The following SETD2 variants were observed in gnomAD, a reference collection of about 807,000 sequenced individuals.
SETD2 encodes the protein SET domain containing 2, histone lysine methyltransferase, also known as histone-lysine N-methyltransferase SETD2.
A neutral mutation model predicts 242.1 loss-of-function variants in SETD2; 31 were observed. The ratio of observed to expected loss-of-function variants is 0.13; its 90% CI spans 0.10 to 0.17. The LOEUF (loss-of-function observed/expected upper bound fraction) is 0.17, where lower values mean the gene tolerates loss of function less well. Among genes scored for constraint, SETD2 ranks in the 10% least tolerant of loss-of-function variants. SETD2 has a pLI of 1.00. For synonymous variants in SETD2, 1,006 were observed against 1,066.5 expected (o/e 0.94, Z 1.11); for missense variants, 2,481 against 3,046.3 (o/e 0.81, Z 4.37).
intron 18 of SETD2, among the ~76,000 whole-genome samples, chr3:47,033,494 G>A (rs1415066522): frequency 6.6e-6 from 1 of 152,042 alleles, no homozygotes; most frequent in East Asian, 1.9e-4. Context: ...GAAGCCTAGG[G>A]GAATGTGTGT....
At chr3:47,019,729 G>A (rs2038135686) in intron 19 of SETD2, 31 bp downstream of exon 19, 5 of 1,555,522 alleles carry the variant, frequency 3.2e-6, no homozygotes, top group African/African-American at 1.4e-5. Context: ...TAAGCCTGAG[G>A]AGCTTAGTGC....
intron 9 of SETD2, among the ~76,000 whole-genome samples, chr3:47,094,602 C>G (rs1176795327): frequency 6.6e-6 from 1 of 152,088 alleles, no homozygotes; most frequent in Non-Finnish European, 1.5e-5. Flanking sequence ...TGTAACTGAC[C>G]AAAACTCAGA....
chr3:47,079,150 G>T (rs7433300), intron 12 of SETD2, among the ~76,000 whole-genome samples: 3 of 151,974 alleles, frequency 2.0e-5, no homozygotes, highest in Non-Finnish European at 4.4e-5. Context: ...ACAGAATGCT[G>T]TTCTTGCAGT....
intron 15 of SETD2, among the ~76,000 whole-genome samples, chr3:47,049,615 G>A (rs901243630): frequency 5.5e-5 from 8 of 145,832 alleles, no homozygotes; most frequent in African/African-American, 7.5e-5. Context: ...CTTGTGATCC[G>A]CCCGCCTCAG....
chr3:47,087,648 C>T (rs1337431517), intron 10 of SETD2, among the ~76,000 whole-genome samples: 1 of 152,108 alleles, frequency 6.6e-6, no homozygotes, highest in Non-Finnish European at 1.5e-5. Flanking sequence ...CTTTGAAAGT[C>T]ATACACAACT....
At chr3:47,080,601 C>T (rs985435961) in intron 12 of SETD2, among the ~76,000 whole-genome samples, 6 of 152,180 alleles carry the variant, frequency 3.9e-5, no homozygotes, top group Admixed American at 3.9e-4. Context: ...ACAATTTCTT[C>T]TGCAAACAGA....
intron 9 of SETD2, among the ~76,000 whole-genome samples, chr3:47,096,772 G>C (rs766860381): frequency 6.6e-6 from 1 of 151,938 alleles, no homozygotes; most frequent in Non-Finnish European, 1.5e-5. Context: ...CAAACCATTT[G>C]AAAATATATA....
chr3:47,088,277 T>A lies in SETD2; in HGVS notation c.5143-30A>T, dbSNP rs773318590. Reference sequence around the variant, plus strand: ...CACAGCAAATAAAAATACCTTTTTATAAAACAACAACAACAAAAAAAAAAA... The same window carrying A: ...CACAGCAAATAAAAATACCTTTTTAAAAAACAACAACAACAAAAAAAAAAA... On this transcript the variant is annotated intron_variant, in intron 9 of 20. Transcript: ENST00000409792. The A allele has an allele frequency of 9.8e-5, 151 of 1,544,528 alleles. No individual in the cohort carries two copies. The highest frequency in any genetic ancestry group is 1.2e-4 in the Non-Finnish European group (136 of 1,153,160).
At chr3:47,097,522 T>C (rs2042054672) in intron 9 of SETD2, among the ~76,000 whole-genome samples, 1 of 152,210 alleles carries the variant, frequency 6.6e-6, no homozygotes, top group Non-Finnish European at 1.5e-5. Flanking sequence ...ACTACTCCTG[T>C]TGGTCTTAGG....
At chr3:47,087,481 A>G (rs565209409) in intron 10 of SETD2, among the ~76,000 whole-genome samples, 36 of 152,082 alleles carry the variant, frequency 2.4e-4, no homozygotes, top group African/African-American at 8.0e-4. Context: ...TGCCGCTGCT[A>G]CTCTGACAGC....
At chr3:47,041,603 A>C (rs1201591276) in intron 17 of SETD2, among the ~76,000 whole-genome samples, 1 of 152,180 alleles carries the variant, frequency 6.6e-6, no homozygotes, top group East Asian at 1.9e-4. Context: ...TATCTTAACA[A>C]TTTACGTAAG....
rs2040676646 is a variant in SETD2 at position 47,068,671 on chromosome 3, A to T, written c.6061-1553T>A. 2.6e-5 allele frequency among the ~76,000 whole-genome samples: 4 copies of T among 152,044 alleles called. No homozygotes were observed. The South Asian group carries it at 8.3e-4, about 32-fold the overall frequency. ...ACCACCATGCCCAGCTAATTTTTGTATTTTTAGTAAAGACAGGGTTTCACC... is the reference window on the plus strand; with the variant it reads ...ACCACCATGCCCAGCTAATTTTTGTTTTTTTAGTAAAGACAGGGTTTCACC... On this transcript the variant is annotated intron_variant, in intron 12 of 20. Transcript: ENST00000409792.
At chr3:47,164,677 C>T (rs1410391821), upstream of SETD2, 1 of 152,484 alleles carries the variant, frequency 6.6e-6, no homozygotes, top group Non-Finnish European at 1.5e-5. This position sits in a 1 kb window ranked among gnomAD's most constrained non-coding sequence, Gnocchi z 5.4. Context: ...CTCTCTCTCC[C>T]TTGCCCGTTC....
chr3:47,146,350 G>A lies in SETD2; in HGVS notation c.71+17504C>T, dbSNP rs887940822. On this transcript the variant is annotated intron_variant, in intron 1 of 20. Coordinates refer to ENST00000409792, the MANE Select transcript of SETD2 (RefSeq NM_014159.7). Reference sequence around the variant, plus strand: ...TCTATTTAAAATCCTTCATATAGCCGGGTGTGGTGGCTCACGCCTGTAATT... The same window carrying A: ...TCTATTTAAAATCCTTCATATAGCCAGGTGTGGTGGCTCACGCCTGTAATT... Among the ~76,000 whole-genome samples the A allele has an allele frequency of 2.6e-5, 4 of 151,816 alleles. No homozygotes were observed. In the East Asian group the frequency reaches 5.8e-4, roughly 22 times the overall value.
At position 47,057,070 on chromosome 3, in the gene SETD2, G is replaced by A. The variant is rs2107575672; in HGVS notation, c.6714C>T (p.Ser2238=). The A allele has an allele frequency of 6.2e-7, 1 of 1,614,254 alleles. No homozygotes were observed. Among genetic ancestry groups the A allele is most frequent in the Non-Finnish European group, 8.5e-7 (1 of 1,180,052 alleles). Residue 2238 remains serine, a synonymous_variant, in exon 15 of 21, where the codon TCC becomes TCT. Coordinates refer to ENST00000409792, the MANE Select transcript of SETD2 (RefSeq NM_014159.7). The stretch of plus-strand genomic sequence containing the variant: ...CACCATCACTCTGGGCCACATACTG[G>A]GAACTGGAAACTTCCACAGGAGCTG... ...HVAAPVEVSS[S]QYVAQSDGVV...
intron 18 of SETD2, among the ~76,000 whole-genome samples, chr3:47,033,754 C>T (rs1276269341): frequency 1.3e-5 from 2 of 150,912 alleles, no homozygotes; most frequent in East Asian, 1.9e-4. Flanking sequence ...CCCCGTCTCC[C>T]GGGTTCAAGC....
chr3:47,050,748 T>TTTTTTTTTTA (rs2039796208), intron 15 of SETD2, among the ~76,000 whole-genome samples: 2 of 140,474 alleles, frequency 1.4e-5, no homozygotes, highest in Non-Finnish European at 3.0e-5. Flanking sequence ...TTTTTTTTTT[T>TTTTTTTTTTA]GAGACAGAGT....
chr3:47,033,505 A>G (rs2038867232), intron 18 of SETD2, among the ~76,000 whole-genome samples: 1 of 152,186 alleles, frequency 6.6e-6, no homozygotes, highest in Non-Finnish European at 1.5e-5. Context: ...GAATGTGTGT[A>G]TCTCCTAAGA....
intron 1 of SETD2, among the ~76,000 whole-genome samples, chr3:47,147,422 G>A (rs1490505584): frequency 1.3e-5 from 2 of 149,128 alleles, no homozygotes; most frequent in Non-Finnish European, 3.0e-5. Context: ...TCCTCGGTTC[G>A]AACGATTCTC....
Sources: allele counts gnomAD v4.1 joint callset (sites outside exome capture counted in the v4.1 genomes callset), GRCh38; gene constraint gnomAD v4.1.1; non-coding constraint Gnocchi (gnomAD v3.1); transcripts MANE v1.5; gene names NCBI Gene and HGNC (gene_info 2026-07-23, HGNC 2026-07-21).